CNTN5: variants seen among roughly 807,000 people sequenced by gnomAD.
CNTN5 encodes contactin 5.
CNTN5 carries 77 observed loss-of-function variants against 129.1 expected under a neutral mutation model. That is an observed-to-expected ratio of 0.60 (90% confidence interval 0.50 to 0.72). CNTN5 has a LOEUF of 0.72. Ranked by LOEUF, CNTN5 falls within the 30% of genes least tolerant of loss-of-function variation. The pLI is 0.00. For missense variants in CNTN5, 1,478 were observed against 1,328.8 expected, an observed-to-expected ratio of 1.11 and a Z score of -1.75; for synonymous variants, 509 against 465.6, an observed-to-expected ratio of 1.09 and a Z score of -1.20.
At chr11:99,378,713 T>C (rs1940336562) in intron 2 of CNTN5, among the ~76,000 whole-genome samples, 2 of 152,046 alleles carry the variant, frequency 1.3e-5, no homozygotes, top group African/African-American at 4.8e-5. Flanking sequence ...TGGATGACTA[T>C]ATGCATATGT....
chr11:99,873,667 T>TA (rs1428103745), intron 6 of CNTN5, among the ~76,000 whole-genome samples: 2 of 152,086 alleles, frequency 1.3e-5, no homozygotes, highest in African/African-American at 4.8e-5. Flanking sequence ...CTCAAAGAAC[T>TA]AAAAATAGAA....
intron 2 of CNTN5, among the ~76,000 whole-genome samples, chr11:99,451,553 CAG>C (rs768711924): frequency 1.2e-4 from 19 of 152,164 alleles, no homozygotes; most frequent in Admixed American, 2.6e-4. Flanking sequence ...TGATGAGTGA[CAG>C]AGTTTTCTTA....
Position 100,350,553 on chromosome 11 carries a change from C to T in CNTN5, c.3031-149C>T, listed in dbSNP as rs143706287. 2.0e-3 allele frequency: 1,063 copies of T among 528,280 alleles called. 4 individuals are homozygous for T. The highest frequency in any genetic ancestry group is 6.3e-3 in the Middle Eastern group (14 of 2,214). 32.7% of individuals were successfully genotyped at this position (528,280 alleles called of 1,614,324 possible). A position where few individuals can be genotyped will look rare whatever the true frequency, so the allele number is the denominator to read the frequency against. Reference sequence around the variant, plus strand: ...ATGGCCCTTTTGTGTACTTCTACTGCAGTAGACTGCACATGTATTACATTT... The same window carrying T: ...ATGGCCCTTTTGTGTACTTCTACTGTAGTAGACTGCACATGTATTACATTT... On this transcript the variant is annotated intron_variant, in intron 23 of 24. Coordinates refer to ENST00000524871, the MANE Select transcript of CNTN5 (RefSeq NM_014361.4).
intron 6 of CNTN5, among the ~76,000 whole-genome samples, chr11:99,885,479 C>A (rs1004308928): frequency 6.6e-6 from 1 of 151,982 alleles, no homozygotes; most frequent in African/African-American, 2.4e-5. Flanking sequence ...GAAAAATAAT[C>A]TGTCAAAAAT....
chr11:100,281,895 T>A (rs971920791), intron 18 of CNTN5, among the ~76,000 whole-genome samples: 2 of 152,196 alleles, frequency 1.3e-5, no homozygotes, highest in East Asian at 3.8e-4. Flanking sequence ...ACTGTGTCAG[T>A]TGCATTTTTC....
intron 3 of CNTN5, among the ~76,000 whole-genome samples, chr11:99,609,552 T>C (rs965479455): frequency 2.0e-5 from 3 of 152,014 alleles, no homozygotes; most frequent in African/African-American, 4.8e-5. Context: ...AAATTAGGAA[T>C]TGATTATTAG....
intron 1 of CNTN5, among the ~76,000 whole-genome samples, chr11:99,318,170 G>A (rs1865424247): frequency 1.3e-5 from 2 of 152,156 alleles, no homozygotes; most frequent in Admixed American, 1.3e-4. Context: ...AGAAATAAGT[G>A]TTCTATTGAT....
At chr11:99,621,873 A>G (rs184815274) in intron 3 of CNTN5, among the ~76,000 whole-genome samples, 1 of 152,298 alleles carries the variant, frequency 6.6e-6, no homozygotes, top group East Asian at 1.9e-4. Context: ...ATTATATGGC[A>G]TGGTTCTATA....
chr11:100,321,967 A>T (rs976120086), intron 21 of CNTN5, among the ~76,000 whole-genome samples: 1 of 152,144 alleles, frequency 6.6e-6, no homozygotes, highest in African/African-American at 2.4e-5. Flanking sequence ...TTTTGCATGT[A>T]TATTAATCAG....
intron 4 of CNTN5, among the ~76,000 whole-genome samples, chr11:99,820,308 CAT>C (rs1230362146): frequency 1.3e-5 from 2 of 152,296 alleles, no homozygotes; most frequent in Admixed American, 6.5e-5. Flanking sequence ...ATATCGGAAA[CAT>C]AAAACAGACC....
At chr11:100,151,903 A>C (rs962025987) in intron 13 of CNTN5, among the ~76,000 whole-genome samples, 2 of 152,170 alleles carry the variant, frequency 1.3e-5, no homozygotes, top group Admixed American at 6.6e-5. Context: ...GCCTCTTGGC[A>C]GGTGGGTTAG....
chr11:99,612,814 A>C (rs1950630612), intron 3 of CNTN5, among the ~76,000 whole-genome samples: 1 of 152,230 alleles, frequency 6.6e-6, no homozygotes, highest in Admixed American at 6.5e-5. Context: ...CAGATTCAGA[A>C]TGCACTAAGA....
At chr11:99,801,257 C>A (rs554485683) in intron 3 of CNTN5, among the ~76,000 whole-genome samples, 1 of 152,124 alleles carries the variant, frequency 6.6e-6, no homozygotes, top group Non-Finnish European at 1.5e-5. Flanking sequence ...TGAAAATAGG[C>A]CTCCAGTCTC....
intron 2 of CNTN5, among the ~76,000 whole-genome samples, chr11:99,522,712 G>T (rs1014732954): frequency 4.6e-5 from 7 of 152,126 alleles, no homozygotes; most frequent in Admixed American, 1.3e-4. Context: ...GGAATGAAAA[G>T]AATACTTTTT....
chr11:99,260,745 A>G lies in CNTN5; in HGVS notation c.-209-64601A>G, dbSNP rs866410255. The stretch of plus-strand genomic sequence containing the variant: ...TTTTATTCACATATTCCCAATTACT[A>G]GCTATGTGTCCTTGACTAATTTAAG... On this transcript the variant is annotated intron_variant, in intron 1 of 24. Transcript: ENST00000524871. 1.6e-4 allele frequency among the ~76,000 whole-genome samples: 24 copies of G among 152,054 alleles called. 1 individual carries two copies. The Middle Eastern group carries it at 0.01, about 65-fold the overall frequency.
rs530354677 is a variant in CNTN5 at position 99,119,134 on chromosome 11, G to A, written c.-210+97864G>A. Among the ~76,000 whole-genome samples the A allele has an allele frequency of 1.9e-4, 29 of 151,912 alleles. No individual in the cohort carries two copies. In the East Asian group the frequency reaches 4.3e-3, roughly 22 times the overall value. On this transcript the variant is annotated intron_variant, in intron 1 of 24. Transcript: ENST00000524871. ...AAATATCTTCTCCATTATCAATCTC[G>A]CTTTATTTATTTTTAACACTTATTT...
chr11:99,311,391 A>T (rs1427024611), intron 1 of CNTN5, among the ~76,000 whole-genome samples: 4 of 152,142 alleles, frequency 2.6e-5, no homozygotes, highest in African/African-American at 9.7e-5. Flanking sequence ...TAAGAATACC[A>T]TTGTCATATT....
chr11:99,157,859 GATAA>G (rs1484800211), intron 1 of CNTN5, among the ~76,000 whole-genome samples: 3 of 152,266 alleles, frequency 2.0e-5, no homozygotes, highest in Non-Finnish European at 4.4e-5. Context: ...AAGGCAGATG[GATAA>G]ATAAATAATT....
chr11:99,530,390 T>C (rs556573302), intron 2 of CNTN5, among the ~76,000 whole-genome samples: 2 of 152,318 alleles, frequency 1.3e-5, no homozygotes, highest in South Asian at 4.1e-4. Context: ...ATTAGGAGAA[T>C]GATTATGATT....
Sources: gnomAD v4.1 joint callset for allele counts (sites outside exome capture counted in the v4.1 genomes callset) on GRCh38, gnomAD v4.1.1 for gene constraint, MANE v1.5 for transcripts, NCBI Gene and HGNC (gene_info 2026-07-23, HGNC 2026-07-21) for gene names.